The following WNK1 variants were observed in gnomAD, a reference collection of about 807,000 sequenced individuals.
The protein encoded by WNK1 is WNK lysine deficient protein kinase 1, also known as serine/threonine-protein kinase WNK1.
A neutral mutation model predicts 222.8 loss-of-function variants in WNK1; 38 were observed. The observed-to-expected ratio is 0.17, with a 90% CI of 0.13 to 0.22. WNK1 has a LOEUF of 0.22. WNK1 is among the 10% of genes least tolerant of loss of function. The pLI is 1.00. For synonymous variants in WNK1, 1,090 were observed against 1,092.9 expected (o/e 1.00, Z 0.05); for missense variants, 2,348 against 2,918.4 (o/e 0.80, Z 4.50).
rs1939492388 is a variant in WNK1 at position 753,490 on chromosome 12, G to A, written c.-76G>A. 6.3e-7 allele frequency: 1 copy of A among 1,595,760 alleles called. No individual in the cohort carries two copies. The highest frequency in any genetic ancestry group is 1.3e-5 in the African/African-American group (1 of 74,292). ...CGGCCGCGGTTCCCTGCAGACCTCT[G>A]CGCGGGCGGCTCGGCCCTTCACGCC... On this transcript the variant is annotated 5_prime_UTR_variant, in exon 1 of 28. Coordinates refer to ENST00000315939, the MANE Select transcript of WNK1 (RefSeq NM_018979.4). The surrounding 1 kb of genome is among the most constrained non-coding windows in gnomAD (Gnocchi z 5.2).
At chr12:787,115 T>C (rs762018583) in intron 1 of WNK1, among the ~76,000 whole-genome samples, 6 of 152,224 alleles carry the variant, frequency 3.9e-5, no homozygotes, top group Non-Finnish European at 7.3e-5. Context: ...CATTGTTAAT[T>C]TTTAAAACAC....
rs568779715 is a variant in WNK1, at chr12:889,615, G to A, written c.5448+392G>A. On this transcript the variant is annotated intron_variant, in intron 21 of 27. Coordinates refer to ENST00000315939, the MANE Select transcript of WNK1 (RefSeq NM_018979.4). ...GGGCGGATCACAAGGTCAGGAGATCGAGACCGTCCTGGCTAACACGGTGAA... is the reference window on the plus strand; with the variant it reads ...GGGCGGATCACAAGGTCAGGAGATCAAGACCGTCCTGGCTAACACGGTGAA... 5.3e-3 allele frequency among the ~76,000 whole-genome samples: 800 copies of A among 152,208 alleles called. 1 individual carries two copies. Among genetic ancestry groups the A allele is most frequent in the Non-Finnish European group, 8.4e-3 (569 of 68,004 alleles).
rs866784073 is a variant in WNK1, at chr12:791,258, T to C, written c.760-22384T>C. On this transcript the variant is annotated intron_variant, in intron 1 of 27. Transcript: ENST00000315939. ...ACACACACACACACACACACACACA[T>C]ACACAAAATTATGAACACATAATAA... Among the ~76,000 whole-genome samples the C allele has an allele frequency of 1.8e-3, 228 of 128,178 alleles. 1 individual carries two copies. Among genetic ancestry groups the C allele is most frequent in the Middle Eastern group, 8.4e-3 (2 of 238 alleles). The allele number at this position is 128,178 out of a possible 152,430, so 84.1% of individuals were successfully genotyped here.
chr12:898,482 CAAAAA>C (rs374726378), intron 25 of WNK1, among the ~76,000 whole-genome samples: 6 of 76,834 alleles, frequency 7.8e-5, no homozygotes, highest in African/African-American at 1.6e-4. Context: ...GACTCTGTCT[CAAAAA>C]AAAAAAAAAA....
intron 4 of WNK1, among the ~76,000 whole-genome samples, chr12:837,807 C>T (rs1949316146): frequency 6.6e-6 from 1 of 152,080 alleles, no homozygotes; most frequent in African/African-American, 2.4e-5. Flanking sequence ...TCACCACAGT[C>T]AACTTTAGAA....
intron 1 of WNK1, among the ~76,000 whole-genome samples, chr12:785,547 G>A (rs185758169): frequency 3.9e-4 from 60 of 152,032 alleles, no homozygotes; most frequent in African/African-American, 1.3e-3. Flanking sequence ...ACAGGCACCC[G>A]CCACCACGCC....
At chr12:769,365 G>A (rs1244448481) in intron 1 of WNK1, among the ~76,000 whole-genome samples, 1 of 151,466 alleles carries the variant, frequency 6.6e-6, no homozygotes, top group Non-Finnish European at 1.5e-5. Flanking sequence ...CGACCGGCTA[G>A]TTTTTGTATT....
intron 2 of WNK1, among the ~76,000 whole-genome samples, chr12:825,618 A>C (rs1948296173): frequency 6.6e-6 from 1 of 152,204 alleles, no homozygotes; most frequent in Admixed American, 6.5e-5. Context: ...TATTCAACAA[A>C]ATTGGAATAC....
intron 4 of WNK1, among the ~76,000 whole-genome samples, chr12:841,650 G>C (rs1290987347): frequency 6.6e-6 from 1 of 152,146 alleles, no homozygotes; most frequent in Admixed American, 6.5e-5. Flanking sequence ...CATAAACTAG[G>C]TGGCATATAA....
chr12:861,544 T>A (rs1445095450), intron 7 of WNK1, among the ~76,000 whole-genome samples: 1 of 152,218 alleles, frequency 6.6e-6, no homozygotes, highest in Admixed American at 6.5e-5. Context: ...TAAGGAAATG[T>A]GATTAGGATA....
chr12:890,567 T>A, intron 22 of WNK1, 54 bp downstream of exon 22: 3 of 1,594,154 alleles, frequency 1.9e-6, no homozygotes, highest in Non-Finnish European at 2.6e-6. Flanking sequence ...TACCCGTAGT[T>A]GATTCAGGAG....
intron 1 of WNK1, among the ~76,000 whole-genome samples, chr12:793,732 T>A (rs1945051248): frequency 6.6e-6 from 1 of 152,204 alleles, no homozygotes; most frequent in Non-Finnish European, 1.5e-5. Flanking sequence ...TGCATTATTT[T>A]ATTGTTAACT....
Position 883,652 on chromosome 12 carries a change from A to G in WNK1, c.3663+84A>G. ...AATTTGCTATGCAAAATGTCCAGTG[A>G]TATCACCTGACACCCATGACCGACA... On this transcript the variant is annotated intron_variant, in intron 16 of 27. Transcript: ENST00000315939. 3.1e-6 allele frequency: 5 copies of G among 1,600,652 alleles called. No homozygotes were observed. The South Asian group carries it at 5.5e-5, about 18-fold the overall frequency.
chr12:789,171 A>G (rs923570075), intron 1 of WNK1, among the ~76,000 whole-genome samples: 1 of 152,140 alleles, frequency 6.6e-6, no homozygotes, highest in African/African-American at 2.4e-5. Flanking sequence ...CATAATTTTC[A>G]GAGAAAGTAG....
intron 1 of WNK1, chr12:781,348 TC>T (rs1591667756): frequency 1.3e-5 from 2 of 152,674 alleles, no homozygotes; most frequent in East Asian, 3.8e-4. Flanking sequence ...TGAAGCTAGA[TC>T]CTTTTAACCA....
chr12:823,967 C>T (rs146329900), intron 2 of WNK1, among the ~76,000 whole-genome samples: 1,447 of 139,094 alleles, frequency 0.01, 26 homozygotes, highest in African/African-American at 0.037. Flanking sequence ...AGTGCAGTGG[C>T]GTGATCTCGG....
intron 4 of WNK1, among the ~76,000 whole-genome samples, chr12:837,734 T>C (rs1352189507): frequency 6.6e-6 from 1 of 152,234 alleles, no homozygotes; most frequent in Admixed American, 6.5e-5. Flanking sequence ...AGACTCAAAT[T>C]AGAAGTACAA....
In WNK1 at chr12:813,950, A is replaced by G. The variant is rs72648612; in HGVS notation, c.932+136A>G. 10 of 904,014 alleles carry G rather than the reference A, an allele frequency of 1.1e-5. No homozygotes were observed. The African/African-American group carries it at 1.7e-4, about 15-fold the overall frequency. 56.0% of individuals were successfully genotyped at this position (904,014 alleles called of 1,614,324 possible). The stretch of plus-strand genomic sequence containing the variant: ...TCCTTCCAACTGTTACTGTATTAGC[A>G]TATTTCCTTGCCCACAAAGTCCTCT... On this transcript the variant is annotated intron_variant, in intron 2 of 27. Transcript: ENST00000315939.
At chr12:881,387 C>G (rs543643398) in intron 12 of WNK1, 10 of 468,170 alleles carry the variant, frequency 2.1e-5, no homozygotes, top group Non-Finnish European at 3.9e-5. Flanking sequence ...GTACTATGCT[C>G]TGTCTGCGCT....
Sources: allele counts gnomAD v4.1 joint callset (sites outside exome capture counted in the v4.1 genomes callset), GRCh38; gene constraint gnomAD v4.1.1; non-coding constraint Gnocchi (gnomAD v3.1); transcripts MANE v1.5; gene names NCBI Gene and HGNC (gene_info 2026-07-23, HGNC 2026-07-21).